SPAG9: variants seen among roughly 807,000 people sequenced by gnomAD.
SPAG9 encodes C-Jun-amino-terminal kinase-interacting protein 4.
A neutral mutation model predicts 166.5 loss-of-function variants in SPAG9; 35 were observed. That is an observed-to-expected ratio of 0.21 (90% CI 0.16 to 0.28). SPAG9 has a LOEUF of 0.28. Among genes scored for constraint, SPAG9 ranks in the 10% least tolerant of loss-of-function variants. The pLI, the probability that SPAG9 is intolerant of heterozygous loss-of-function variation, is 1.00. For synonymous variants in SPAG9, 534 were observed against 565.5 expected, an observed-to-expected ratio of 0.94 and a Z score of 0.79; for missense variants, 1,235 against 1,603.3, an observed-to-expected ratio of 0.77 and a Z score of 3.92.
At chr17:51,002,952 C>T (rs1297219066) in intron 12 of SPAG9, among the ~76,000 whole-genome samples, 2 of 149,182 alleles carry the variant, frequency 1.3e-5, no homozygotes, top group Non-Finnish European at 3.0e-5. Flanking sequence ...TGGGGTGGCG[C>T]ACAACTTTGG....
At chr17:50,990,719 T>G in intron 19 of SPAG9, 51 bp from the exon 20 acceptor site, 1 of 1,396,930 alleles carries the variant, frequency 7.2e-7, no homozygotes, top group East Asian at 2.3e-5. Context: ...ATAAATAACA[T>G]TTTTTTTACT....
chr17:51,056,291 ATCCCC>A, intron 3 of SPAG9, 116 bp downstream of exon 3: 1 of 669,038 alleles, frequency 1.5e-6, no homozygotes. Context: ...TCTTGAAAGA[ATCCCC>A]AAGAATTATT....
chr17:50,978,221 T>C (rs1974331353), intron 26 of SPAG9, among the ~76,000 whole-genome samples: 1 of 152,242 alleles, frequency 6.6e-6, no homozygotes, highest in Admixed American at 6.5e-5. Flanking sequence ...ACTGAGGGCA[T>C]GATCGCTGAA....
chr17:51,001,635 A>G, intron 13 of SPAG9, 80 bp downstream of exon 13: 1 of 1,371,100 alleles, frequency 7.3e-7, no homozygotes, highest in Non-Finnish European at 1.0e-6. Flanking sequence ...CTTACAGGGC[A>G]GGACTTAAGT....
intron 3 of SPAG9, among the ~76,000 whole-genome samples, chr17:51,050,968 CGAAG>C (rs1229160276): frequency 9.3e-6 from 1 of 107,888 alleles, no homozygotes; most frequent in African/African-American, 3.6e-5. Flanking sequence ...AAGGAAAGAA[CGAAG>C]GGAGGGAGGA....
chr17:50,963,471 A>G lies in SPAG9; in HGVS notation c.*2801T>C, dbSNP rs1973211685. ...TAAGGACAAGCCTTTAAAGCAAATT[A>G]TACAGGCATTTTTGTCCTCTCTCTG... On this transcript the variant is annotated 3_prime_UTR_variant, in exon 30 of 30. Coordinates refer to ENST00000262013, the MANE Select transcript of SPAG9 (RefSeq NM_001130528.3). The G allele has an allele frequency of 6.6e-6, 1 of 152,246 alleles. No homozygotes were observed. Among genetic ancestry groups the G allele is most frequent in the Non-Finnish European group, 1.5e-5 (1 of 68,048 alleles). 9.4% of individuals were successfully genotyped at this position (152,246 alleles called of 1,614,324 possible).
At position 50,993,813 on chromosome 17, in the gene SPAG9, G is replaced by C. The variant is rs779488641; in HGVS notation, c.2349C>G (p.Asp783Glu). Residue 783 changes from aspartate to glutamate, a missense_variant, in exon 19 of 30, where the codon GAC becomes GAG. Physicochemically the swap from Asp to Glu is conservative, Grantham distance 45. Around this residue, in one of 6 missense-constraint regions of SPAG9, gnomAD observed 493 missense variants for 559.4 expected, o/e 0.88. Transcript: ENST00000262013. ...CATGAGAGTTGCAAACAGTGAAACT[G>C]TCTAGGATGTTGCCAGGTTGAACAG... ...IDAVQPGNIL[D>E]SFTVCNSHVL... The C allele has an allele frequency of 6.2e-6, 10 of 1,614,154 alleles. No homozygotes were observed. The highest frequency in any genetic ancestry group is 8.5e-6 in the Non-Finnish European group (10 of 1,180,020).
chr17:50,972,792 A>G (rs1973925769), intron 28 of SPAG9, among the ~76,000 whole-genome samples: 1 of 152,262 alleles, frequency 6.6e-6, no homozygotes, highest in Non-Finnish European at 1.5e-5. Context: ...CATGCCAGCA[A>G]TGACTTCTGT....
intron 3 of SPAG9, among the ~76,000 whole-genome samples, chr17:51,052,243 T>G (rs893704517): frequency 6.6e-6 from 1 of 152,238 alleles, no homozygotes; most frequent in East Asian, 1.9e-4. Context: ...TTCCTTTCCC[T>G]GAATGTTTTC....
chr17:51,062,199 A>T (rs2144551166), intron 2 of SPAG9, among the ~76,000 whole-genome samples: 1 of 152,292 alleles, frequency 6.6e-6, no homozygotes, highest in South Asian at 2.1e-4. Context: ...AGCCCCCTAC[A>T]CACGCAACCT....
At position 50,995,091 on chromosome 17, in the gene SPAG9, T is replaced by C; in HGVS notation, c.2192A>G (p.Gln731Arg). The change falls in exon 18 of 30, where the codon CAG becomes CGG. Residue 731 changes from glutamine (Q) to arginine (R), a missense_variant. Physicochemically the swap from Gln to Arg is conservative, Grantham distance 43 (BLOSUM62 1). Around this residue, in one of 6 missense-constraint regions of SPAG9, gnomAD observed 493 missense variants for 559.4 expected, o/e 0.88. Transcript: ENST00000262013. ...CTGATCTAACTTATCTAAACTACTC[T>C]GAGAGGCACTTCGCTGTTTACTGCC... ...TEGSKQRSAS[Q>R]SSLDKLDQEL... 6.2e-7 allele frequency: 1 copy of C among 1,613,980 alleles called. No individual in the cohort carries two copies. The highest frequency in any genetic ancestry group is 1.3e-5 in the African/African-American group (1 of 75,044).
At chr17:51,022,547 T>C (rs1257896982) in intron 6 of SPAG9, among the ~76,000 whole-genome samples, 1 of 152,036 alleles carries the variant, frequency 6.6e-6, no homozygotes, top group African/African-American at 2.4e-5. Flanking sequence ...AATTGTCCAG[T>C]GGCTATCAAA....
intron 15 of SPAG9, 52 bp downstream of exon 15, chr17:50,998,392 C>G (rs1351873774): frequency 6.6e-7 from 1 of 1,520,410 alleles, no homozygotes; most frequent in African/African-American, 1.4e-5. Flanking sequence ...CAAGAATATT[C>G]TGAACCACTA....
chr17:50,970,971 C>A, intron 28 of SPAG9, 115 bp from the exon 29 acceptor site: 1 of 810,186 alleles, frequency 1.2e-6, no homozygotes, highest in Non-Finnish European at 1.9e-6. Flanking sequence ...TTCTAATAAC[C>A]AAATACTGGG....
intron 1 of SPAG9, among the ~76,000 whole-genome samples, chr17:51,087,982 C>T (rs2048346504): frequency 6.6e-6 from 1 of 152,120 alleles, no homozygotes; most frequent in South Asian, 2.1e-4. Context: ...TGAGCTCAAG[C>T]GATCCTCCTG....
Position 50,979,834 on chromosome 17 carries a change from G to C in SPAG9, c.3321C>G (p.Arg1107=). Reference sequence around the variant, plus strand: ...GATAGAGACGGAGCGTAGAATCCAAGCGAATGGAGACCCACACGCCATCCC... The same window carrying C: ...GATAGAGACGGAGCGTAGAATCCAACCGAATGGAGACCCACACGCCATCCC... The part of the protein sequence containing the change: ...WVGDGVWVSI[R]LDSTLRLYHA... Residue 1107 remains arginine, a synonymous_variant, in exon 26 of 30, where the codon CGC becomes CGG. Transcript: ENST00000262013. 1 of 1,614,172 alleles carries C rather than the reference G, an allele frequency of 6.2e-7. No individual in the cohort carries two copies. The highest frequency in any genetic ancestry group is 8.5e-7 in the Non-Finnish European group (1 of 1,180,012).
intron 2 of SPAG9, among the ~76,000 whole-genome samples, chr17:51,077,005 G>T (rs62062982): frequency 0.011 from 997 of 92,590 alleles, 28 homozygotes; most frequent in African/African-American, 0.043. Context: ...TAGCTATCTA[G>T]CTAGCTAGCT....
At chr17:51,041,398 C>G (rs780577735) in intron 5 of SPAG9, 103 bp downstream of exon 5, 1 of 1,070,340 alleles carries the variant, frequency 9.3e-7, no homozygotes, top group Non-Finnish European at 1.3e-6. Context: ...TAAATGTATA[C>G]AAACAATTAC....
intron 7 of SPAG9, among the ~76,000 whole-genome samples, chr17:51,020,955 T>C (rs1190239473): frequency 1.3e-5 from 2 of 152,202 alleles, no homozygotes; most frequent in Non-Finnish European, 2.9e-5. Flanking sequence ...AGTATGTACA[T>C]GTTTAGTGCA....
Sources: allele counts gnomAD v4.1 joint callset (sites outside exome capture counted in the v4.1 genomes callset), GRCh38; gene constraint gnomAD v4.1.1; regional missense constraint gnomAD v4.1.1; transcripts MANE v1.5; gene names NCBI Gene and HGNC (gene_info 2026-07-23, HGNC 2026-07-21).